ATP6V1H: variants seen among roughly 807,000 people sequenced by gnomAD.
ATP6V1H encodes the protein ATPase H+ transporting V1 subunit H.
A neutral mutation model predicts 71.7 loss-of-function variants in ATP6V1H; 39 were observed. That is an observed-to-expected ratio of 0.54 (90% CI 0.42 to 0.71). The LOEUF (loss-of-function observed/expected upper bound fraction) is 0.71. Ranked by LOEUF, ATP6V1H falls within the 30% of genes least tolerant of loss-of-function variation. The pLI is 0.00. For missense variants in ATP6V1H, 509 were observed against 594.9 expected (o/e 0.86, Z 1.50); for synonymous variants, 192 against 199.3 (o/e 0.96, Z 0.31).
At position 53,728,019 on chromosome 8, in the gene ATP6V1H, C is replaced by A. The variant is rs543351738; in HGVS notation, c.1392-11995G>T. ...TCTGTCCTTGCTATCACCATTATTA[C>A]CTAGGGAACAACTGCCTCATCTCTA... On this transcript the variant is annotated intron_variant, in intron 13 of 13. Transcript: ENST00000359530. 3.3e-5 allele frequency among the ~76,000 whole-genome samples: 5 copies of A among 152,330 alleles called. No homozygotes were observed. The South Asian group carries it at 1.0e-3, about 32-fold the overall frequency.
At position 53,795,633 on chromosome 8, in the gene ATP6V1H, C is replaced by A. The variant is rs1809700937; in HGVS notation, c.870+14G>T. 6.2e-7 allele frequency: 1 copy of A among 1,610,770 alleles called. No homozygotes were observed. Among genetic ancestry groups the A allele is most frequent in the Admixed American group, 1.7e-5 (1 of 58,928 alleles). ...AATGCCTCACATACACACAAACCAA[C>A]ATAAAACACTTACACGAAATGCTGC... On this transcript the variant is annotated intron_variant, in intron 9 of 13. Transcript: ENST00000359530.
intron 13 of ATP6V1H, among the ~76,000 whole-genome samples, chr8:53,732,723 G>C (rs1236768979): frequency 6.7e-6 from 1 of 150,020 alleles, no homozygotes; most frequent in Non-Finnish European, 1.5e-5. Context: ...AGAATTAAAA[G>C]AAGAAATCCC....
intron 4 of ATP6V1H, among the ~76,000 whole-genome samples, chr8:53,822,733 C>A: frequency 6.6e-6 from 1 of 151,802 alleles, no homozygotes; most frequent in East Asian, 1.9e-4. Flanking sequence ...AAACAAGACC[C>A]GAATCTATAC....
intron 13 of ATP6V1H, among the ~76,000 whole-genome samples, chr8:53,728,589 T>C (rs1052176474): frequency 2.6e-5 from 4 of 152,218 alleles, no homozygotes; most frequent in African/African-American, 9.6e-5. Flanking sequence ...GGCAACAGAA[T>C]TCCATGCAGA....
intron 4 of ATP6V1H, among the ~76,000 whole-genome samples, chr8:53,828,944 T>A (rs1810908256): frequency 6.6e-6 from 1 of 152,124 alleles, no homozygotes; most frequent in Non-Finnish European, 1.5e-5. Context: ...CCTTTATTCA[T>A]AATTGGGTTC....
chr8:53,789,474 C>T lies in ATP6V1H; in HGVS notation c.870+6173G>A, dbSNP rs186993226. On this transcript the variant is annotated intron_variant, in intron 9 of 13. Transcript: ENST00000359530. ...CTCTAGCCTGGGCAATAGAGCAAGA[C>T]TCTGTCTCAAAAAGAAAAAAAATTA... Among the ~76,000 whole-genome samples, 1,312 of 152,224 alleles carry T rather than the reference C, an allele frequency of 8.6e-3. 10 individuals are homozygous for T. Among genetic ancestry groups the T allele is most frequent in the Non-Finnish European group, 0.012 (800 of 68,004 alleles).
intron 9 of ATP6V1H, among the ~76,000 whole-genome samples, chr8:53,788,603 T>C (rs1809456463): frequency 6.6e-6 from 1 of 152,224 alleles, no homozygotes. Context: ...TGTTATTTCA[T>C]GGATTCCTTA....
intron 13 of ATP6V1H, among the ~76,000 whole-genome samples, chr8:53,733,009 C>CCCT (rs1238094623): frequency 6.6e-6 from 1 of 152,182 alleles, no homozygotes; most frequent in Non-Finnish European, 1.5e-5. Flanking sequence ...CTGGGGTAGA[C>CCCT]AAGGACGGGC....
chr8:53,813,649 C>T (rs1373813932), intron 6 of ATP6V1H, among the ~76,000 whole-genome samples: 1 of 152,178 alleles, frequency 6.6e-6, no homozygotes, highest in Non-Finnish European at 1.5e-5. Context: ...CACTTCAACC[C>T]TGTAAGCCTG....
intron 2 of ATP6V1H, chr8:53,839,620 C>T (rs990079040): frequency 3.0e-6 from 3 of 985,410 alleles, no homozygotes; most frequent in Non-Finnish European, 3.6e-6. Flanking sequence ...CACCTACAAA[C>T]TCACCCTTCA....
At chr8:53,816,278 C>T (rs1810446402) in intron 5 of ATP6V1H, among the ~76,000 whole-genome samples, 1 of 152,180 alleles carries the variant, frequency 6.6e-6, no homozygotes, top group Non-Finnish European at 1.5e-5. Context: ...AAATGTTTCA[C>T]GGCCAGTGGC....
At chr8:53,720,397 T>C (rs1806573000) in intron 13 of ATP6V1H, among the ~76,000 whole-genome samples, 1 of 152,192 alleles carries the variant, frequency 6.6e-6, no homozygotes, top group South Asian at 2.1e-4. Context: ...AAAAACTGAC[T>C]TCCACTTCCC....
chr8:53,820,693 C>G (rs901332124), intron 4 of ATP6V1H, among the ~76,000 whole-genome samples: 2 of 142,740 alleles, frequency 1.4e-5, no homozygotes, highest in South Asian at 2.2e-4. Flanking sequence ...GAAAAGAAAA[C>G]AAAAGAGGCC....
At chr8:53,731,547 C>T (rs560991512) in intron 13 of ATP6V1H, among the ~76,000 whole-genome samples, 7 of 152,278 alleles carry the variant, frequency 4.6e-5, no homozygotes, top group Admixed American at 2.6e-4. Context: ...AGCCACGTAC[C>T]CCATGCTTGC....
chr8:53,761,196 G>T (rs767609249), intron 11 of ATP6V1H, among the ~76,000 whole-genome samples: 21 of 152,218 alleles, frequency 1.4e-4, no homozygotes, highest in South Asian at 4.1e-4. Context: ...AATTAGCTGG[G>T]TGTGGTGGCA....
intron 11 of ATP6V1H, among the ~76,000 whole-genome samples, chr8:53,758,098 T>C (rs2130262174): frequency 6.6e-6 from 1 of 152,378 alleles, no homozygotes; most frequent in African/African-American, 2.4e-5. Context: ...TATTCAGTTT[T>C]TCATATATCT....
chr8:53,833,812 T>C (rs1197048701), intron 2 of ATP6V1H, among the ~76,000 whole-genome samples: 1 of 151,982 alleles, frequency 6.6e-6, no homozygotes, highest in African/African-American at 2.4e-5. Flanking sequence ...CCAGAGATAG[T>C]CTTACCATTT....
chr8:53,821,748 A>G (rs1309167659), intron 4 of ATP6V1H, among the ~76,000 whole-genome samples: 2 of 152,150 alleles, frequency 1.3e-5, no homozygotes, highest in African/African-American at 4.8e-5. Context: ...AACCACCCAA[A>G]TCCATGATAT....
chr8:53,743,351 T>C (rs924958337), intron 13 of ATP6V1H, among the ~76,000 whole-genome samples: 1 of 152,212 alleles, frequency 6.6e-6, no homozygotes, highest in Non-Finnish European at 1.5e-5. Flanking sequence ...GGAGTCGTTT[T>C]TGAAATTATT....
Sources: gnomAD v4.1 joint callset for allele counts (sites outside exome capture counted in the v4.1 genomes callset) on GRCh38, gnomAD v4.1.1 for gene constraint, MANE v1.5 for transcripts, NCBI Gene and HGNC (gene_info 2026-07-23, HGNC 2026-07-21) for gene names.